LDB2: variants seen among roughly 807,000 people sequenced by gnomAD.
The protein encoded by LDB2 is LIM domain-binding protein 2.
In LDB2, 12 loss-of-function variants were observed where a neutral mutation model predicts 44.3. The ratio of observed to expected loss-of-function variants is 0.27; its 90% CI spans 0.17 to 0.44. The LOEUF is 0.44. Among genes scored for constraint, LDB2 ranks in the 20% least tolerant of loss-of-function variants. The probability of loss-of-function intolerance (pLI) is 1.00; values close to 1 mark genes in which losing one functional copy is unlikely to be tolerated. For missense variants in LDB2, 344 were observed against 473.5 expected (o/e 0.73, Z 2.54); for synonymous variants, 164 against 174.8 (o/e 0.94, Z 0.49).
intron 1 of LDB2, among the ~76,000 whole-genome samples, chr4:16,886,904 G>C (rs1175777670): frequency 6.6e-6 from 1 of 151,736 alleles, no homozygotes; most frequent in African/African-American, 2.4e-5. Flanking sequence ...GTGGTGGCGG[G>C]CACCTGTAGT....
chr4:16,617,507 C>A (rs1727664190), intron 2 of LDB2, among the ~76,000 whole-genome samples: 1 of 152,094 alleles, frequency 6.6e-6, no homozygotes, highest in Non-Finnish European at 1.5e-5. Flanking sequence ...GAGAAATGGA[C>A]CATTCAAGTG....
chr4:16,726,554 A>C (rs1759512749), intron 2 of LDB2: 1 of 152,232 alleles, frequency 6.6e-6, no homozygotes, highest in South Asian at 2.1e-4. Flanking sequence ...GAGTATGTGG[A>C]GTTCACCATT....
chr4:16,888,500 A>G (rs978257899), intron 1 of LDB2, among the ~76,000 whole-genome samples: 1 of 152,208 alleles, frequency 6.6e-6, no homozygotes, highest in Non-Finnish European at 1.5e-5. Context: ...CATCCCTGCC[A>G]TATAACAGTG....
At chr4:16,663,891 C>G (rs1469841524) in intron 2 of LDB2, among the ~76,000 whole-genome samples, 1 of 152,108 alleles carries the variant, frequency 6.6e-6, no homozygotes, top group African/African-American at 2.4e-5. Context: ...GCACAATTTC[C>G]TCTAGTGACA....
At chr4:16,826,398 C>T (rs1324689725) in intron 1 of LDB2, 4 of 152,102 alleles carry the variant, frequency 2.6e-5, no homozygotes, top group Non-Finnish European at 4.4e-5. Context: ...AGATTCTGGC[C>T]ATTTAAAACA....
At chr4:16,581,932 G>GAAAA (rs1491146877) in intron 5 of LDB2, among the ~76,000 whole-genome samples, 1 of 147,808 alleles carries the variant, frequency 6.8e-6, no homozygotes, top group African/African-American at 2.5e-5. Context: ...AAGAAAGAAA[G>GAAAA]AAAGAAAGGA....
chr4:16,546,860 G>T (rs558268665), intron 5 of LDB2, among the ~76,000 whole-genome samples: 1 of 152,078 alleles, frequency 6.6e-6, no homozygotes, highest in South Asian at 2.1e-4. Flanking sequence ...TCCTCCCAGG[G>T]TTCTTTAGCT....
At chr4:16,767,894 A>G (rs1437502445) in intron 1 of LDB2, among the ~76,000 whole-genome samples, 1 of 152,196 alleles carries the variant, frequency 6.6e-6, no homozygotes, top group Non-Finnish European at 1.5e-5. Context: ...AGTCATGTCA[A>G]ATAGCAGAAG....
chr4:16,565,580 G>A (rs780510217), intron 5 of LDB2, among the ~76,000 whole-genome samples: 59 of 151,946 alleles, frequency 3.9e-4, no homozygotes, highest in African/African-American at 1.2e-3. Context: ...TCAGACACAA[G>A]AGAAGGATGT....
chr4:16,710,584 T>C (rs193284129), intron 2 of LDB2, among the ~76,000 whole-genome samples: 6 of 152,184 alleles, frequency 3.9e-5, no homozygotes, highest in African/African-American at 9.6e-5. Flanking sequence ...TGGAATAAAA[T>C]AGACTCCCAA....
chr4:16,530,149 A>G (rs1194126178), intron 5 of LDB2, among the ~76,000 whole-genome samples: 1 of 152,206 alleles, frequency 6.6e-6, no homozygotes, highest in Non-Finnish European at 1.5e-5. Flanking sequence ...GAAAGTTAGC[A>G]TACTCCTGGA....
At chr4:16,680,622 C>T (rs538221163) in intron 2 of LDB2, among the ~76,000 whole-genome samples, 35 of 152,288 alleles carry the variant, frequency 2.3e-4, no homozygotes, top group African/African-American at 7.7e-4. Flanking sequence ...GTGGCATGCC[C>T]AGTGCCAAGC....
chr4:16,785,887 C>T (rs1343894317), intron 1 of LDB2, among the ~76,000 whole-genome samples: 2 of 152,062 alleles, frequency 1.3e-5, no homozygotes, highest in African/African-American at 4.8e-5. Context: ...TCTTATGACC[C>T]TCAAACCAGC....
chr4:16,847,193 C>G (rs1462093934), intron 1 of LDB2, among the ~76,000 whole-genome samples: 1 of 152,116 alleles, frequency 6.6e-6, no homozygotes, highest in Non-Finnish European at 1.5e-5. Flanking sequence ...TATTTATGCT[C>G]ACTAGTAAGC....
chr4:16,876,856 C>T (rs1473476040), intron 1 of LDB2, among the ~76,000 whole-genome samples: 1 of 151,730 alleles, frequency 6.6e-6, no homozygotes, highest in Non-Finnish European at 1.5e-5. Flanking sequence ...TTGTATAAAC[C>T]TTTAACCATT....
chr4:16,585,115 G>C (rs954078934), intron 5 of LDB2, among the ~76,000 whole-genome samples: 1 of 152,114 alleles, frequency 6.6e-6, no homozygotes, highest in Non-Finnish European at 1.5e-5. Flanking sequence ...AGACCATCAC[G>C]CCCCAGGCCA....
chr4:16,518,508 C>A (rs1724733967), intron 5 of LDB2, among the ~76,000 whole-genome samples: 1 of 150,340 alleles, frequency 6.7e-6, no homozygotes, highest in South Asian at 2.1e-4. Flanking sequence ...TTTTAAAAGG[C>A]CTTCTCTCCT....
chr4:16,537,746 A>G (rs1732362726), intron 5 of LDB2, among the ~76,000 whole-genome samples: 1 of 152,060 alleles, frequency 6.6e-6, no homozygotes, highest in African/African-American at 2.4e-5. Context: ...CTTATGTGCA[A>G]TACCCCTGCT....
intron 2 of LDB2, among the ~76,000 whole-genome samples, chr4:16,619,859 T>G: frequency 6.6e-6 from 1 of 151,858 alleles, no homozygotes; most frequent in African/African-American, 2.4e-5. Context: ...ATTTTTCTTC[T>G]TTTACCAGAG....
Sources: gnomAD v4.1 joint callset for allele counts (sites outside exome capture counted in the v4.1 genomes callset) on GRCh38, gnomAD v4.1.1 for gene constraint, MANE v1.5 for transcripts, NCBI Gene and HGNC (gene_info 2026-07-23, HGNC 2026-07-21) for gene names.